The following PFKFB3 variants were observed in gnomAD, a reference collection of about 807,000 sequenced individuals.
The protein encoded by PFKFB3 is 6-phosphofructo-2-kinase/fructose-2,6-bisphosphatase 3.
In PFKFB3, 33 loss-of-function variants were observed where a neutral mutation model predicts 68.0. That is an observed-to-expected ratio of 0.49 (90% CI 0.37 to 0.65). PFKFB3 has a LOEUF of 0.65. Ranked by LOEUF, PFKFB3 falls within the 30% of genes least tolerant of loss-of-function variation. The probability of loss-of-function intolerance (pLI) is 0.00; values close to 1 mark genes in which losing one functional copy is unlikely to be tolerated. For missense variants in PFKFB3, 586 were observed against 712.2 expected, an observed-to-expected ratio of 0.82 and a Z score of 2.02; for synonymous variants, 315 against 288.2, an observed-to-expected ratio of 1.09 and a Z score of -0.94.
intron 1 of PFKFB3, among the ~76,000 whole-genome samples, chr10:6,177,441 T>TTTCTTTCTTTCC (rs1491177982): frequency 1.0e-4 from 11 of 107,486 alleles, no homozygotes; most frequent in African/African-American, 3.8e-4. Flanking sequence ...TTTCTTTCTC[T>TTTCTTTCTTTCC]TTCTTTCTTT....
the PFKFB3 span, among the ~76,000 whole-genome samples, chr10:6,302,380 T>G: frequency 3.9e-4 from 48 of 122,648 alleles, 1 homozygote; most frequent in African/African-American, 5.9e-4. Context: ...TTTTTTTTTT[T>G]TTTTTTTTTT....
intron 14 of PFKFB3, among the ~76,000 whole-genome samples, chr10:6,244,021 A>C (rs554306748): frequency 1.3e-5 from 2 of 151,970 alleles, no homozygotes; most frequent in South Asian, 4.2e-4. Flanking sequence ...TATCACGCCC[A>C]GCTAATACTT....
the PFKFB3 span, among the ~76,000 whole-genome samples, chr10:6,278,566 T>C: frequency 0.6 from 91,104 of 152,030 alleles, 28,487 homozygotes; most frequent in Non-Finnish European, 0.71. Context: ...TGAGCCACCG[T>C]GCCTGGCCAG....
At chr10:6,269,955 A>ACC in the PFKFB3 span, among the ~76,000 whole-genome samples, 1 of 151,146 alleles carries the variant, frequency 6.6e-6, no homozygotes, top group African/African-American at 2.4e-5. Flanking sequence ...ACATGGTGAG[A>ACC]CCCCCCTCTC....
the PFKFB3 span, among the ~76,000 whole-genome samples, chr10:6,291,555 C>CAA: frequency 3.3e-3 from 195 of 59,052 alleles, no homozygotes; most frequent in African/African-American, 8.3e-3. Context: ...GACTCTGTCT[C>CAA]AAAAAAAAAA....
At chr10:6,290,645 C>T in the PFKFB3 span, among the ~76,000 whole-genome samples, 1 of 151,894 alleles carries the variant, frequency 6.6e-6, no homozygotes, top group African/African-American at 2.4e-5. Context: ...ATTACAGGCA[C>T]CCACCACCAT....
chr10:6,178,213 G>C (rs1355963373), intron 1 of PFKFB3, among the ~76,000 whole-genome samples: 1 of 152,140 alleles, frequency 6.6e-6, no homozygotes. Flanking sequence ...CCAGTTTTGG[G>C]CCTGTCTGTG....
At chr10:6,274,295 C>CT in the PFKFB3 span, among the ~76,000 whole-genome samples, 1 of 152,118 alleles carries the variant, frequency 6.6e-6, no homozygotes, top group Non-Finnish European at 1.5e-5. Flanking sequence ...TGTACTGAAG[C>CT]TTTTTTGTGT....
At chr10:6,253,828 G>C (rs1200379972) in intron 14 of PFKFB3, among the ~76,000 whole-genome samples, 4 of 152,108 alleles carry the variant, frequency 2.6e-5, no homozygotes, top group African/African-American at 7.2e-5. Flanking sequence ...GATCAGTTGA[G>C]GTCAGGAGTT....
intron 1 of PFKFB3, chr10:6,146,341 G>A: frequency 6.5e-7 from 1 of 1,530,564 alleles, no homozygotes; most frequent in Non-Finnish European, 8.7e-7. Context: ...CGGTGAAGGG[G>A]GTGGCTGCTG....
In PFKFB3 at chr10:6,205,044, C is replaced by T. The variant is rs577039736; in HGVS notation, c.76+1708C>T. ...ACCCCATCAACCTGCACGTCTCACACGCAGTGAGAGATTTGCCTAAGAATC... is the reference window on the plus strand; with the variant it reads ...ACCCCATCAACCTGCACGTCTCACATGCAGTGAGAGATTTGCCTAAGAATC... On this transcript the variant is annotated intron_variant, in intron 1 of 14. Coordinates refer to ENST00000379775, the MANE Select transcript of PFKFB3 (RefSeq NM_004566.4). Among the ~76,000 whole-genome samples, 291 of 152,310 alleles carry T rather than the reference C, an allele frequency of 1.9e-3. 13 individuals are homozygous for T. In the South Asian group the frequency reaches 0.059, roughly 31 times the overall value.
At chr10:6,146,424 G>C (rs1841391083) in intron 1 of PFKFB3, 1 of 1,535,588 alleles carries the variant, frequency 6.5e-7, no homozygotes, top group Admixed American at 2.0e-5. Context: ...GCAAGCAGGG[G>C]CTCTGCCACT....
rs1354685474 is a variant in PFKFB3 at position 6,226,259 on chromosome 10, C to T, written c.1409C>T (p.Pro470Leu). 1.2e-6 allele frequency: 2 copies of T among 1,614,056 alleles called. No individual in the cohort carries two copies. The highest frequency in any genetic ancestry group is 1.7e-6 in the Non-Finnish European group (2 of 1,180,012). The change falls in exon 14 of 15, where the codon CCC (proline) becomes CTC (leucine). Residue 470 changes from proline to leucine, a missense_variant. Coordinates refer to ENST00000379775, the MANE Select transcript of PFKFB3 (RefSeq NM_004566.4). ...GTCACCCCGCTAGCCAGCCCCGAAC[C>T]CACCAAAAAGCCTCGCATCAACAGC... is the stretch of plus-strand genomic sequence containing the variant. Reference protein sequence around the residue: ...NSVTPLASPEPTKKPRINSFE... With the variant: ...NSVTPLASPELTKKPRINSFE...
At chr10:6,156,550 C>T (rs1841803841) in intron 1 of PFKFB3, among the ~76,000 whole-genome samples, 1 of 151,936 alleles carries the variant, frequency 6.6e-6, no homozygotes, top group Non-Finnish European at 1.5e-5. Context: ...CTCTGCGGCC[C>T]AGGCTGATGT....
chr10:6,202,092 C>G (rs1564614342), upstream of PFKFB3, among the ~76,000 whole-genome samples: 1 of 152,220 alleles, frequency 6.6e-6, no homozygotes, highest in Admixed American at 6.5e-5. Context: ...TAGTTTTATT[C>G]ATTCTTCTAC....
At position 6,222,839 on chromosome 10, in the gene PFKFB3, G is replaced by T; in HGVS notation, c.1084-16G>T. 1 of 1,607,930 alleles carries T rather than the reference G, an allele frequency of 6.2e-7. No individual in the cohort carries two copies. Among genetic ancestry groups the T allele is most frequent in the Non-Finnish European group, 8.5e-7 (1 of 1,176,092 alleles). The stretch of plus-strand genomic sequence containing the variant: ...GAGTGCCCTGAGCTCACGTGGGCCC[G>T]GCCCTCTGTGCTCAGTCCTACCAGG... On this transcript the variant is annotated splice_polypyrimidine_tract_variant and intron_variant, in intron 10 of 14. Coordinates refer to ENST00000379775, the MANE Select transcript of PFKFB3 (RefSeq NM_004566.4).
chr10:6,270,057 G>C, the PFKFB3 span, among the ~76,000 whole-genome samples: 20 of 152,148 alleles, frequency 1.3e-4, no homozygotes, highest in East Asian at 3.5e-3. Flanking sequence ...GCTTGAACCC[G>C]GGAGGCGGAG....
rs10905913 is a variant in PFKFB3 at position 6,154,349 on chromosome 10, G to A, written c.16+9336G>A. Among the ~76,000 whole-genome samples the A allele has an allele frequency of 0.58, 88,107 of 151,496 alleles. 26,270 individuals are homozygous for A. Among genetic ancestry groups the A allele is most frequent in the Non-Finnish European group, 0.65 (44,361 of 67,850 alleles). Reference sequence around the variant, plus strand: ...CAACCTCTGCCTCTCGAGTTCAAGCGATCCTCCTGCCTCAGCCTCCAGGGC... The same window carrying A: ...CAACCTCTGCCTCTCGAGTTCAAGCAATCCTCCTGCCTCAGCCTCCAGGGC... On this transcript the variant is annotated intron_variant, in intron 1 of 14. Transcript: ENST00000379789. The surrounding 1 kb of genome is among the most constrained non-coding windows in gnomAD (Gnocchi z 4.6).
At chr10:6,147,823 G>A (rs1841442009) in intron 1 of PFKFB3, among the ~76,000 whole-genome samples, 1 of 151,490 alleles carries the variant, frequency 6.6e-6, no homozygotes. Flanking sequence ...CTGATGGGGT[G>A]GTCCATACAG....
Sources: gnomAD v4.1 joint callset for allele counts (sites outside exome capture counted in the v4.1 genomes callset) on GRCh38, gnomAD v4.1.1 for gene constraint, Gnocchi (gnomAD v3.1) non-coding constraint, MANE v1.5 for transcripts, NCBI Gene and HGNC (gene_info 2026-07-23, HGNC 2026-07-21) for gene names.